Variants in ATG5 observed in about 807,000 individuals in gnomAD.
ATG5 encodes the protein autophagy protein 5.
Under a neutral mutation model 36.5 loss-of-function variants are expected in ATG5, and 14 were observed. The ratio of observed to expected loss-of-function variants is 0.38; its 90% CI spans 0.25 to 0.60. The LOEUF is 0.60. Ranked by LOEUF, ATG5 falls within the 20% of genes least tolerant of loss-of-function variation. The pLI, the probability that ATG5 is intolerant of heterozygous loss-of-function variation, is 0.60. For missense variants in ATG5, 195 were observed against 326.7 expected, an observed-to-expected ratio of 0.60 and a Z score of 3.11; for synonymous variants, 95 against 101.5, an observed-to-expected ratio of 0.94 and a Z score of 0.38.
At chr6:106,321,934 T>C (rs750320850) in intron 1 of ATG5, among the ~76,000 whole-genome samples, 7 of 152,162 alleles carry the variant, frequency 4.6e-5, no homozygotes, top group Non-Finnish European at 8.8e-5. Context: ...TATATAAATA[T>C]ATGAATCTAG....
chr6:106,311,219 A>G (rs934752071), intron 2 of ATG5, among the ~76,000 whole-genome samples: 1 of 152,258 alleles, frequency 6.6e-6, no homozygotes, highest in African/African-American at 2.4e-5. Context: ...TACAACATTG[A>G]AAGAGACAGA....
chr6:106,301,724 T>C (rs954667240), intron 3 of ATG5, among the ~76,000 whole-genome samples: 1 of 152,122 alleles, frequency 6.6e-6, no homozygotes, highest in Non-Finnish European at 1.5e-5. Context: ...AGATTTGGAA[T>C]ACTGTAAGTA....
At chr6:106,230,394 C>A (rs1381501795) in intron 6 of ATG5, among the ~76,000 whole-genome samples, 2 of 152,106 alleles carry the variant, frequency 1.3e-5, no homozygotes. Context: ...TAGGACTCAC[C>A]CCTGAGCACA....
At chr6:106,253,395 C>T (rs1778674857) in intron 5 of ATG5, among the ~76,000 whole-genome samples, 1 of 152,040 alleles carries the variant, frequency 6.6e-6, no homozygotes, top group Non-Finnish European at 1.5e-5. Context: ...CAGAAGGTTT[C>T]TACCCAGGGA....
rs144146871 is a variant in ATG5, at chr6:106,245,424, A to G, written c.573+2726T>C. 5.4e-3 allele frequency among the ~76,000 whole-genome samples: 816 copies of G among 152,344 alleles called. 11 individuals are homozygous for G. Among genetic ancestry groups the G allele is most frequent in the African/African-American group, 0.019 (781 of 41,592 alleles). On this transcript the variant is annotated intron_variant, in intron 6 of 7. Coordinates refer to ENST00000369076, the MANE Select transcript of ATG5 (RefSeq NM_004849.4). ...TCTACAAACTTAATGATTACAAACA[A>G]AAGTCATAGTTTGCTCATAAATCAG...
At chr6:106,294,839 T>G in intron 3 of ATG5, among the ~76,000 whole-genome samples, 1 of 118,072 alleles carries the variant, frequency 8.5e-6, no homozygotes, top group African/African-American at 3.5e-5. Context: ...TGAGACCTTT[T>G]CTCAAGAAAA....
At chr6:106,291,972 A>G (rs1013314791) in intron 4 of ATG5, among the ~76,000 whole-genome samples, 8 of 152,244 alleles carry the variant, frequency 5.3e-5, no homozygotes, top group African/African-American at 1.7e-4. Flanking sequence ...AAGGAAAAGC[A>G]TCACATGAAG....
intron 6 of ATG5, among the ~76,000 whole-genome samples, chr6:106,216,250 T>A (rs1471599018): frequency 3.9e-5 from 6 of 152,200 alleles, no homozygotes; most frequent in African/African-American, 1.4e-4. Flanking sequence ...CTCCTAAGTA[T>A]CTACCCAAGA....
At chr6:106,222,212 G>C (rs4945748) in intron 6 of ATG5, among the ~76,000 whole-genome samples, 14,555 of 152,196 alleles carry the variant, frequency 0.096, 919 homozygotes, top group Admixed American at 0.23. Flanking sequence ...TTTGTGGAGA[G>C]AGGTAAAGAA....
chr6:106,301,422 T>C (rs1770201520), intron 3 of ATG5, among the ~76,000 whole-genome samples: 2 of 152,086 alleles, frequency 1.3e-5, no homozygotes, highest in South Asian at 4.2e-4. Context: ...TTAAACAAAA[T>C]GTTAGCAGGT....
chr6:106,278,758 G>A (rs980868595), intron 5 of ATG5, among the ~76,000 whole-genome samples: 3 of 152,054 alleles, frequency 2.0e-5, no homozygotes, highest in African/African-American at 7.2e-5. Context: ...GCTTATTGCT[G>A]GAGACAAGGA....
chr6:106,255,351 C>T (rs1778760369), intron 5 of ATG5, among the ~76,000 whole-genome samples: 1 of 152,228 alleles, frequency 6.6e-6, no homozygotes, highest in African/African-American at 2.4e-5. Context: ...ACAATTGCTA[C>T]ACCTTATTAC....
At chr6:106,252,242 G>C (rs940207334) in intron 5 of ATG5, among the ~76,000 whole-genome samples, 1 of 151,794 alleles carries the variant, frequency 6.6e-6, no homozygotes, top group Non-Finnish European at 1.5e-5. Flanking sequence ...AGAGCTACAA[G>C]CAATATTACT....
chr6:106,311,360 T>G (rs1770639789), intron 2 of ATG5, among the ~76,000 whole-genome samples: 1 of 152,220 alleles, frequency 6.6e-6, no homozygotes, highest in Non-Finnish European at 1.5e-5. Flanking sequence ...GAATTTAACC[T>G]GATCTTGAGT....
At chr6:106,257,194 T>C (rs891392889) in intron 5 of ATG5, among the ~76,000 whole-genome samples, 2 of 152,202 alleles carry the variant, frequency 1.3e-5, no homozygotes, top group Non-Finnish European at 2.9e-5. Context: ...AGTGAAGCTG[T>C]CATCTCCAAT....
chr6:106,278,776 C>T (rs186497757), intron 5 of ATG5, among the ~76,000 whole-genome samples: 7 of 152,262 alleles, frequency 4.6e-5, no homozygotes, highest in Admixed American at 3.3e-4. Context: ...GGAGGCAACA[C>T]GACTATGTGC....
At chr6:106,239,440 C>G (rs1468125604) in intron 6 of ATG5, among the ~76,000 whole-genome samples, 2 of 152,104 alleles carry the variant, frequency 1.3e-5, no homozygotes, top group Non-Finnish European at 2.9e-5. Flanking sequence ...GTATTTCCAT[C>G]TCTAATCAGA....
At chr6:106,213,395 G>T (rs568760088) in intron 6 of ATG5, among the ~76,000 whole-genome samples, 16 of 152,306 alleles carry the variant, frequency 1.1e-4, no homozygotes, top group African/African-American at 3.8e-4. Flanking sequence ...AGAGTTGGAA[G>T]CTATATCAGT....
At chr6:106,208,118 G>A (rs1368353420) in intron 6 of ATG5, among the ~76,000 whole-genome samples, 2 of 152,032 alleles carry the variant, frequency 1.3e-5, no homozygotes, top group Non-Finnish European at 2.9e-5. Flanking sequence ...TTCAAGTCCT[G>A]TTTCTGTCAT....
Sources: allele counts gnomAD v4.1 joint callset (sites outside exome capture counted in the v4.1 genomes callset), GRCh38; gene constraint gnomAD v4.1.1; transcripts MANE v1.5; gene names NCBI Gene and HGNC (gene_info 2026-07-23, HGNC 2026-07-21).